Variants in ZNF330 observed in about 807,000 individuals in gnomAD.
The protein encoded by ZNF330 is zinc finger protein 330.
Under a neutral mutation model 45.5 loss-of-function variants are expected in ZNF330, and 31 were observed. The observed-to-expected ratio is 0.68, with a 90% CI of 0.51 to 0.92. ZNF330 has a LOEUF of 0.92. Ranked by LOEUF, ZNF330 falls within the 40% of genes least tolerant of loss-of-function variation. The probability of loss-of-function intolerance (pLI) is 0.00; values close to 1 mark genes in which losing one functional copy is unlikely to be tolerated. For missense variants in ZNF330, 356 were observed against 387.4 expected (o/e 0.92, Z 0.68); for synonymous variants, 138 against 123.2 (o/e 1.12, Z -0.79).
chr4:141,233,247 T>C (rs1729001801), intron 9 of ZNF330, among the ~76,000 whole-genome samples: 1 of 152,126 alleles, frequency 6.6e-6, no homozygotes, highest in African/African-American at 2.4e-5. Context: ...ACAGATGTAG[T>C]TGCATGGTGA....
At chr4:141,221,177 C>T (rs1450432418) in intron 1 of ZNF330, 69 bp downstream of exon 1, 2 of 152,544 alleles carry the variant, frequency 1.3e-5, no homozygotes, top group Non-Finnish European at 2.9e-5. Flanking sequence ...CCTGGCACCT[C>T]CGCCGCTTCT....
chr4:141,230,842 G>A (rs1379399893), intron 7 of ZNF330, among the ~76,000 whole-genome samples: 1 of 152,086 alleles, frequency 6.6e-6, no homozygotes, highest in East Asian at 1.9e-4. Flanking sequence ...AGCCAGCATT[G>A]CTGACTGGGT....
chr4:141,229,007 T>C (rs186477964), intron 5 of ZNF330, among the ~76,000 whole-genome samples: 1 of 152,228 alleles, frequency 6.6e-6, no homozygotes, highest in East Asian at 1.9e-4. Flanking sequence ...GTTCCATATA[T>C]TTTACTTCAA....
At chr4:141,227,229 C>A (rs1728829241) in intron 5 of ZNF330, among the ~76,000 whole-genome samples, 1 of 151,762 alleles carries the variant, frequency 6.6e-6, no homozygotes, top group South Asian at 2.1e-4. Context: ...GTGGTGCACC[C>A]ATTAACTCGT....
rs762493674 is a variant in ZNF330, at chr4:141,230,269, A to G, written c.522A>G (p.Lys174=). The G allele has an allele frequency of 1.9e-6, 3 of 1,595,512 alleles. No individual in the cohort carries two copies. The highest frequency in any genetic ancestry group is 2.6e-6 in the Non-Finnish European group (3 of 1,165,852). The change falls in exon 7 of 10, where the codon AAA becomes AAG. Residue 174 remains lysine, a splice_region_variant and synonymous_variant. Coordinates refer to ENST00000262990, the MANE Select transcript of ZNF330 (RefSeq NM_014487.6). The stretch of plus-strand genomic sequence containing the variant: ...AGGTTTTAGAGGCAGAAACATTTAA[A>G]TGTAAGTTTTTAAGTATTAGATGTT... ...SCQVLEAETF[K]CVSCNRLGQH...
chr4:141,230,226 A>T lies in ZNF330; in HGVS notation c.479A>T (p.Glu160Val). 1 of 1,611,888 alleles carries T rather than the reference A, an allele frequency of 6.2e-7. No individual in the cohort carries two copies. Among genetic ancestry groups the T allele is most frequent in the Non-Finnish European group, 8.5e-7 (1 of 1,178,768 alleles). ...TTTCTCTGTGAAGATGATCAATTTG[A>T]GCATCAAGCCAGCTGCCAGGTTTTA... ...HNFLCEDDQF[E>V]HQASCQVLEA... The change falls in exon 7 of 10, where the codon GAG becomes GTG. Residue 160 changes from glutamate (E) to valine (V), a missense_variant. By Grantham distance (121) the Glu-to-Val change is moderately radical. Coordinates refer to ENST00000262990, the MANE Select transcript of ZNF330 (RefSeq NM_014487.6).
chr4:141,233,982 A>G lies in ZNF330; in HGVS notation c.956A>G (p.Glu319Gly), dbSNP rs753451434. ...GGCTATGCTCACTATGAGGAACAAG[A>G]GAACTAGGGGAGCTGCTCTGGTGGC... is the stretch of plus-strand genomic sequence containing the variant. ...ASGYAHYEEQ[E>G]N The change falls in exon 10 of 10, where the codon GAG becomes GGG. Residue 319 changes from glutamate to glycine, a missense_variant. Coordinates refer to ENST00000262990, the MANE Select transcript of ZNF330 (RefSeq NM_014487.6). The G allele has an allele frequency of 1.2e-6, 2 of 1,611,826 alleles. No individual in the cohort carries two copies. The highest frequency in any genetic ancestry group is 1.7e-6 in the Non-Finnish European group (2 of 1,178,728).
At position 141,233,856 on chromosome 4, in the gene ZNF330, C is replaced by G; in HGVS notation, c.830C>G (p.Ala277Gly). 6.2e-7 allele frequency: 1 copy of G among 1,613,504 alleles called. No individual in the cohort carries two copies. The highest frequency in any genetic ancestry group is 8.5e-7 in the Non-Finnish European group (1 of 1,179,742). The stretch of plus-strand genomic sequence containing the variant: ...GATGAGGAGGAGGATGAGTATGAAG[C>G]AGAGGATGATGAAGAGGAAGAAGAT... ...YHDEEEDEYE[A>G]EDDEEEEDEG... Residue 277 changes from alanine to glycine, a missense_variant, in exon 10 of 10, where the codon GCA becomes GGA. Transcript: ENST00000262990.
Position 141,222,385 on chromosome 4 carries a change from A to T in ZNF330, c.14A>T (p.Lys5Met). Reference protein sequence around the residue: MPKKKTGARKKAENR... With the variant: MPKKMTGARKKAENR... ...AAATAGGGGAAAATGCCTAAAAAAA[A>T]GACTGGTGCGAGGAAGAAGGCTGAG... Residue 5 changes from lysine to methionine, a missense_variant, in exon 2 of 10, where the codon AAG (lysine) becomes ATG (methionine). Physicochemically the swap from Lys to Met is moderately conservative, Grantham distance 95 (BLOSUM62 -1). Transcript: ENST00000262990. The T allele has an allele frequency of 1.2e-6, 2 of 1,613,306 alleles. No individual in the cohort carries two copies. The highest frequency in any genetic ancestry group is 2.2e-5 in the South Asian group (2 of 90,980).
At chr4:141,229,799 C>G in intron 6 of ZNF330, 102 bp downstream of exon 6, 1 of 1,408,364 alleles carries the variant, frequency 7.1e-7, no homozygotes, top group Non-Finnish European at 9.9e-7. Flanking sequence ...TACTGTCAAT[C>G]CTAACTACTG....
At chr4:141,231,519 GT>G (rs754425191) in intron 8 of ZNF330, 34 bp downstream of exon 8, 69 of 1,558,084 alleles carry the variant, frequency 4.4e-5, no homozygotes, top group Non-Finnish European at 5.8e-5. Context: ...TTTAGATTTT[GT>G]TTTTAATCTC....
chr4:141,228,988 T>G (rs1180830915), intron 5 of ZNF330, among the ~76,000 whole-genome samples: 1 of 152,134 alleles, frequency 6.6e-6, no homozygotes, highest in Non-Finnish European at 1.5e-5. Flanking sequence ...AATCTTACCC[T>G]GTATTTTAGT....
chr4:141,221,337 A>G (rs1177914384), intron 1 of ZNF330, among the ~76,000 whole-genome samples: 1 of 152,212 alleles, frequency 6.6e-6, no homozygotes, highest in Non-Finnish European at 1.5e-5. Context: ...GAACCCGTAT[A>G]AGGCTGAGAA....
rs35353789 is a variant in ZNF330, at chr4:141,222,453, A to G, written c.82A>G (p.Thr28Ala). 12,602 of 1,613,806 alleles carry G rather than the reference A, an allele frequency of 7.8e-3. 59 individuals are homozygous for G. The highest frequency in any genetic ancestry group is 9.5e-3 in the Non-Finnish European group (11,181 of 1,179,792). ...AAAACAACTAAGAGCATCAAGAAGC[A>G]CTATAGATTTAGCTAAACATCCATG... ...REKQLRASRS[T>A]IDLAKHPCNA... The change falls in exon 2 of 10, where the codon ACT becomes GCT. Residue 28 changes from threonine (T) to alanine (A), a missense_variant. By Grantham distance (58) the Thr-to-Ala change is moderately conservative. Transcript: ENST00000262990.
chr4:141,230,105 A>G (rs1333356440), intron 6 of ZNF330, 61 bp from the exon 7 acceptor site: 3 of 1,187,056 alleles, frequency 2.5e-6, no homozygotes, highest in Admixed American at 1.9e-5. Flanking sequence ...AGTATTATAG[A>G]TATGAGTTTT....
intron 4 of ZNF330, 102 bp from the exon 5 acceptor site, chr4:141,226,665 A>C: frequency 1.2e-6 from 1 of 810,270 alleles, no homozygotes; most frequent in Non-Finnish European, 2.0e-6. Flanking sequence ...TTAGTTTTTA[A>C]ATTATTTCCT....
chr4:141,229,687 G>A lies in ZNF330; in HGVS notation c.408G>A (p.Val136=). 1.5e-5 allele frequency: 24 copies of A among 1,613,058 alleles called. No individual in the cohort carries two copies. The highest frequency in any genetic ancestry group is 2.0e-5 in the Non-Finnish European group (23 of 1,179,242). Residue 136 remains valine (V), a synonymous_variant, in exon 6 of 10, where the codon GTG becomes GTA. Transcript: ENST00000262990. ...AGTGTGTTGAATGTGAACGAGGCGTGTGGGACCATGGTGAGTCATTAGACA... is the reference window on the plus strand; with the variant it reads ...AGTGTGTTGAATGTGAACGAGGCGTATGGGACCATGGTGAGTCATTAGACA... ...DAECVECERG[V]WDHGGRIFSC...
chr4:141,233,810 T>C lies in ZNF330; in HGVS notation c.784T>C (p.Tyr262His). The C allele has an allele frequency of 6.2e-7, 1 of 1,613,586 alleles. No individual in the cohort carries two copies. ...TTGGAAGAACCTTTCATCTGATAAG[T>C]ATGGTGATACCAGCTACCACGATGA... ...AYWKNLSSDKYGDTSYHDEEE... is the reference protein window; with the variant it reads ...AYWKNLSSDKHGDTSYHDEEE... The change falls in exon 10 of 10, where the codon TAT (tyrosine) becomes CAT (histidine). Residue 262 changes from tyrosine to histidine, a missense_variant. Tyr to His is a moderately conservative substitution (Grantham distance 83). Coordinates refer to ENST00000262990, the MANE Select transcript of ZNF330 (RefSeq NM_014487.6).
intron 7 of ZNF330, among the ~76,000 whole-genome samples, chr4:141,230,809 T>G (rs1292850711): frequency 6.6e-6 from 1 of 152,142 alleles, no homozygotes; most frequent in Non-Finnish European, 1.5e-5. Flanking sequence ...ATACACAAAA[T>G]TCTCACGTAT....
Sources: allele counts gnomAD v4.1 joint callset (sites outside exome capture counted in the v4.1 genomes callset), GRCh38; gene constraint gnomAD v4.1.1; transcripts MANE v1.5; gene names NCBI Gene and HGNC (gene_info 2026-07-23, HGNC 2026-07-21).